The following ERICH3 variants were observed in gnomAD, a reference collection of about 807,000 sequenced individuals.
ERICH3 encodes glutamate rich 3.
A neutral mutation model predicts 131.1 loss-of-function variants in ERICH3; 126 were observed. The ratio of observed to expected loss-of-function variants is 0.96; its 90% CI spans 0.83 to 1.11. The LOEUF (loss-of-function observed/expected upper bound fraction) is 1.11. Ranked by LOEUF, ERICH3 falls within the 50% of genes most tolerant of loss-of-function variation. The probability of loss-of-function intolerance (pLI) is 0.00; values close to 1 mark genes in which losing one functional copy is unlikely to be tolerated. For missense variants in ERICH3, 2,050 were observed against 1,810.7 expected (o/e 1.13, Z -2.40); for synonymous variants, 695 against 644.6 (o/e 1.08, Z -1.18).
At chr1:74,602,238 G>A (rs1648171584) in intron 10 of ERICH3, among the ~76,000 whole-genome samples, 1 of 151,812 alleles carries the variant, frequency 6.6e-6, no homozygotes, top group African/African-American at 2.4e-5. Flanking sequence ...GAAAGTCAAG[G>A]CTGCCCTGGC....
chr1:74,622,073 G>A (rs1227497869), intron 7 of ERICH3: 1 of 152,136 alleles, frequency 6.6e-6, no homozygotes, highest in Non-Finnish European at 1.5e-5. Context: ...GAATAACAAC[G>A]CTGCAACAAA....
chr1:74,574,872 GC>G (rs1226269603), intron 13 of ERICH3, among the ~76,000 whole-genome samples: 3 of 151,936 alleles, frequency 2.0e-5, no homozygotes, highest in Admixed American at 2.0e-4. Flanking sequence ...GGAGCTAGAA[GC>G]TTTGAAAAGG....
intron 12 of ERICH3, among the ~76,000 whole-genome samples, chr1:74,583,376 T>C (rs1052519771): frequency 1.3e-5 from 2 of 152,192 alleles, no homozygotes; most frequent in African/African-American, 4.8e-5. Context: ...TAATAAAGTT[T>C]AATTTATAAA....
intron 8 of ERICH3, among the ~76,000 whole-genome samples, chr1:74,616,869 C>CA (rs1466062080): frequency 6.6e-6 from 1 of 152,070 alleles, no homozygotes; most frequent in Non-Finnish European, 1.5e-5. Flanking sequence ...GGCCAGTTGA[C>CA]AGAGTTAAGA....
chr1:74,626,958 C>T (rs1649438630), intron 7 of ERICH3, among the ~76,000 whole-genome samples: 2 of 152,168 alleles, frequency 1.3e-5, no homozygotes, highest in South Asian at 2.1e-4. Context: ...TTGCTTTTTA[C>T]TCTTTCTTTC....
At chr1:74,577,913 C>A (rs1224162501) in intron 12 of ERICH3, among the ~76,000 whole-genome samples, 1 of 152,172 alleles carries the variant, frequency 6.6e-6, no homozygotes. Flanking sequence ...AGCATTTCAT[C>A]CATTAGTAGA....
intron 10 of ERICH3, among the ~76,000 whole-genome samples, chr1:74,606,288 G>T (rs1648388545): frequency 6.6e-6 from 1 of 151,820 alleles, no homozygotes; most frequent in African/African-American, 2.4e-5. Flanking sequence ...TTTAAAATAG[G>T]TAAAATTCTA....
chr1:74,591,743 A>C (rs1283257512), intron 11 of ERICH3, among the ~76,000 whole-genome samples: 5 of 152,196 alleles, frequency 3.3e-5, no homozygotes, highest in African/African-American at 1.2e-4. Context: ...CAGCATAAAA[A>C]ATCACTGCAT....
chr1:74,579,805 T>G (rs1647143867), intron 12 of ERICH3: 5 of 985,308 alleles, frequency 5.1e-6, no homozygotes, highest in Non-Finnish European at 6.0e-6. Flanking sequence ...GCTCCTGTCT[T>G]TTACCTATCA....
At chr1:74,669,540 A>G (rs992065361) in intron 1 of ERICH3, among the ~76,000 whole-genome samples, 8 of 152,158 alleles carry the variant, frequency 5.3e-5, no homozygotes, top group African/African-American at 1.9e-4. Context: ...AAATAGCAAC[A>G]TGAGTGAGAT....
chr1:74,610,605 C>T (rs1310337821), intron 9 of ERICH3, among the ~76,000 whole-genome samples: 1 of 151,638 alleles, frequency 6.6e-6, no homozygotes. Flanking sequence ...ATTATAGTAT[C>T]TCCCATCTTA....
chr1:74,627,536 C>A (rs759462979), intron 7 of ERICH3, among the ~76,000 whole-genome samples: 16 of 152,146 alleles, frequency 1.1e-4, no homozygotes, highest in Middle Eastern at 3.4e-3. Flanking sequence ...AACAGAGATT[C>A]TCAGATTGAA....
intron 7 of ERICH3, chr1:74,623,550 A>G (rs1041294232): frequency 6.6e-6 from 1 of 152,144 alleles, no homozygotes; most frequent in African/African-American, 2.4e-5. Context: ...ACACATAGTG[A>G]AAGAAGTGTT....
intron 7 of ERICH3, among the ~76,000 whole-genome samples, chr1:74,631,121 T>C (rs905096088): frequency 1.3e-5 from 2 of 152,092 alleles, no homozygotes; most frequent in Admixed American, 1.3e-4. Context: ...AAACTTTCAT[T>C]TAATTGCTAT....
At chr1:74,593,201 G>A (rs1019465474) in intron 11 of ERICH3, among the ~76,000 whole-genome samples, 3 of 152,132 alleles carry the variant, frequency 2.0e-5, no homozygotes, top group African/African-American at 7.2e-5. Flanking sequence ...CAAGGTCTTT[G>A]ACTTTTCTCT....
chr1:74,646,576 A>C (rs1646486052), intron 3 of ERICH3, 91 bp downstream of exon 3: 3 of 819,918 alleles, frequency 3.7e-6, no homozygotes, highest in Non-Finnish European at 5.2e-6. Context: ...AATCAATTAC[A>C]AAGAAAATAG....
At chr1:74,608,930 G>T (rs148470996) in intron 9 of ERICH3, among the ~76,000 whole-genome samples, 3 of 151,966 alleles carry the variant, frequency 2.0e-5, no homozygotes, top group Non-Finnish European at 4.4e-5. Context: ...TTGTGGCTGC[G>T]TAAAGGCTTT....
intron 1 of ERICH3, among the ~76,000 whole-genome samples, chr1:74,671,327 G>A (rs1646741227): frequency 6.6e-6 from 1 of 152,052 alleles, no homozygotes; most frequent in South Asian, 2.1e-4. Flanking sequence ...TGTTCCCTCA[G>A]AAGCATTTGA....
At chr1:74,635,059 C>T (rs1038244194) in intron 6 of ERICH3, among the ~76,000 whole-genome samples, 4 of 151,998 alleles carry the variant, frequency 2.6e-5, no homozygotes, top group African/African-American at 4.8e-5. Context: ...TGCCCATTTT[C>T]GTTTATTATC....
Sources: allele counts gnomAD v4.1 joint callset (sites outside exome capture counted in the v4.1 genomes callset), GRCh38; gene constraint gnomAD v4.1.1; transcripts MANE v1.5; gene names NCBI Gene and HGNC (gene_info 2026-07-23, HGNC 2026-07-21).